Variants in MGAT4A observed in about 807,000 individuals in gnomAD.
MGAT4A encodes the protein N-acetylglucosaminyltransferase IVa.
A neutral mutation model predicts 74.1 loss-of-function variants in MGAT4A; 33 were observed. That is an observed-to-expected ratio of 0.45 (90% CI 0.34 to 0.60). The LOEUF is 0.60. Ranked by LOEUF, MGAT4A falls within the 20% of genes least tolerant of loss-of-function variation. The pLI is 0.02. For missense variants in MGAT4A, 479 were observed against 628.3 expected (o/e 0.76, Z 2.54); for synonymous variants, 198 against 210.4 (o/e 0.94, Z 0.51).
chr2:98,639,757 C>A (rs575870966), intron 12 of MGAT4A, 51 bp downstream of exon 12: 1 of 1,485,576 alleles, frequency 6.7e-7, no homozygotes, highest in African/African-American at 1.4e-5. Context: ...AATCACATTA[C>A]GAATAAGAGA....
Position 98,726,379 on chromosome 2 carries a change from C to G in MGAT4A, c.-47G>C. On this transcript the variant is annotated 5_prime_UTR_variant, in exon 2 of 16. Coordinates refer to ENST00000393487, the MANE Select transcript of MGAT4A (RefSeq NM_012214.3). ...TCCATATGTTTATGATGACAACAAC[C>G]AGGACTGTTTTCTTTTTACCCTGAA... 6.5e-7 allele frequency: 1 copy of G among 1,533,134 alleles called. No individual in the cohort carries two copies. The highest frequency in any genetic ancestry group is 9.0e-7 in the Non-Finnish European group (1 of 1,112,422). 95.0% of individuals were successfully genotyped at this position (1,533,134 alleles called of 1,614,324 possible). A position where few individuals can be genotyped will look rare whatever the true frequency, so the allele number is the denominator to read the frequency against.
In MGAT4A at chr2:98,670,278, G is replaced by A. The variant is rs562411134; in HGVS notation, c.403+4757C>T. On this transcript the variant is annotated intron_variant, in intron 4 of 15. Coordinates refer to ENST00000393487, the MANE Select transcript of MGAT4A (RefSeq NM_012214.3). ...ATCACTAATTTTGTTTTAATTCTGA[G>A]TGCAAGAGTTCCACTGATTAGCCAC... is the stretch of plus-strand genomic sequence containing the variant. Among the ~76,000 whole-genome samples, 11 of 152,230 alleles carry A rather than the reference G, an allele frequency of 7.2e-5. No individual in the cohort carries two copies. In the East Asian group the frequency reaches 1.7e-3, roughly 24 times the overall value.
chr2:98,678,015 G>C (rs1397686580), intron 3 of MGAT4A, among the ~76,000 whole-genome samples: 1 of 150,698 alleles, frequency 6.6e-6, no homozygotes, highest in Admixed American at 6.6e-5. Context: ...GGATCACGAG[G>C]TCAGGAGATC....
In MGAT4A at chr2:98,624,944, T is replaced by G. The variant is rs1701122635; in HGVS notation, c.*622A>C. ...GTACTTCAATTAAGAAATCCATCTATAATCAATCTTAAATGGCAGTGCATT... is the reference window on the plus strand; with the variant it reads ...GTACTTCAATTAAGAAATCCATCTAGAATCAATCTTAAATGGCAGTGCATT... On this transcript the variant is annotated 3_prime_UTR_variant, in exon 16 of 16. Transcript: ENST00000393487. 2 of 985,224 alleles carry G rather than the reference T, an allele frequency of 2.0e-6. No homozygotes were observed. The highest frequency in any genetic ancestry group is 6.1e-5 in the Admixed American group (1 of 16,284). The allele number at this position is 985,224 out of a possible 1,614,324, so 61.0% of individuals were successfully genotyped here.
In MGAT4A at chr2:98,656,435, C is replaced by T; in HGVS notation, c.615G>A (p.Val205=). Residue 205 remains valine (V), a synonymous_variant, in exon 7 of 16, where the codon GTG becomes GTA. Transcript: ENST00000393487. ...EFSKEISSGL[V]EVISPPESYY... ...AGCTTTCAGGGGGTGATATGACTTC[C>T]ACCAAGCCAGAACTGATTTCTTTAG... The T allele has an allele frequency of 6.2e-7, 1 of 1,611,690 alleles. No individual in the cohort carries two copies. The highest frequency in any genetic ancestry group is 1.7e-4 in the Middle Eastern group (1 of 6,048).
chr2:98,689,205 T>C (rs1245211565), intron 2 of MGAT4A, among the ~76,000 whole-genome samples: 2 of 152,094 alleles, frequency 1.3e-5, no homozygotes, highest in African/African-American at 4.8e-5. Flanking sequence ...TAGTCTTCTG[T>C]AACCTTTGCT....
intron 2 of MGAT4A, among the ~76,000 whole-genome samples, chr2:98,696,296 G>C (rs1052838529): frequency 6.6e-6 from 1 of 152,216 alleles, no homozygotes; most frequent in Non-Finnish European, 1.5e-5. Flanking sequence ...GTATTAGACT[G>C]AATGGAAAAG....
intron 4 of MGAT4A, among the ~76,000 whole-genome samples, chr2:98,669,377 G>GT (rs1701880448): frequency 6.6e-6 from 1 of 152,124 alleles, no homozygotes; most frequent in Non-Finnish European, 1.5e-5. Flanking sequence ...TGCCATCCAC[G>GT]TAAGATGTGA....
At chr2:98,730,509 A>AGCCCCT (rs1194204777) in intron 1 of MGAT4A, among the ~76,000 whole-genome samples, 4 of 152,172 alleles carry the variant, frequency 2.6e-5, no homozygotes, top group Non-Finnish European at 5.9e-5. Context: ...CCTCGGGAGC[A>AGCCCCT]GCCCCTGCCC....
chr2:98,671,943 CAAAAAAAAAAAA>C (rs59955000), intron 4 of MGAT4A, among the ~76,000 whole-genome samples: 22 of 28,640 alleles, frequency 7.7e-4, no homozygotes, highest in Middle Eastern at 0.042. Context: ...GTGGAAAAGG[CAAAAAAAAAAAA>C]AAAAAAAAAA....
chr2:98,658,350 TAAAAA>T, intron 5 of MGAT4A, 86 bp from the exon 6 acceptor site: 6 of 738,004 alleles, frequency 8.1e-6, no homozygotes, highest in African/African-American at 1.9e-5. Flanking sequence ...AAATGAATGA[TAAAAA>T]CATTCATTAA....
chr2:98,689,567 T>C (rs1298182985), intron 2 of MGAT4A, among the ~76,000 whole-genome samples: 1 of 152,248 alleles, frequency 6.6e-6, no homozygotes, highest in East Asian at 1.9e-4. Flanking sequence ...CTCACATCCA[T>C]AATCCCAACA....
At position 98,663,171 on chromosome 2, in the gene MGAT4A, C is replaced by T. The variant is rs773118466; in HGVS notation, c.412G>A (p.Val138Ile). ...CTCTTCACTGTGGGAATGCCCATGA[C>T]TATTGAAACTGGAAAAAAAAATAGT... ...IGNGRTGVSI[V>I]MGIPTVKREV... is the part of the protein sequence containing the mutation. The change falls in exon 5 of 16, where the codon GTC becomes ATC. Residue 138 changes from valine to isoleucine, a missense_variant. Around this residue, in one of 3 missense-constraint regions of MGAT4A, gnomAD observed 205 missense variants for 232.7 expected, o/e 0.88. Transcript: ENST00000393487. The T allele has an allele frequency of 6.3e-7, 1 of 1,575,756 alleles. No individual in the cohort carries two copies. The highest frequency in any genetic ancestry group is 2.2e-5 in the East Asian group (1 of 44,530).
chr2:98,655,369 C>A, intron 8 of MGAT4A, 76 bp downstream of exon 8: 1 of 1,139,972 alleles, frequency 8.8e-7, no homozygotes. Context: ...TCAAAACTTC[C>A]TGTTTTAATG....
intron 2 of MGAT4A, among the ~76,000 whole-genome samples, chr2:98,705,964 A>G (rs1330230946): frequency 6.6e-6 from 1 of 151,434 alleles, no homozygotes; most frequent in Non-Finnish European, 1.5e-5. Context: ...AAAAAAAAAA[A>G]AAAAAAAGAA....
chr2:98,671,943 C>CAAAAAAAAAAAAAAAAAAAAAA lies in MGAT4A; in HGVS notation c.403+3070_403+3091dup, dbSNP rs59955000. On this transcript the variant is annotated intron_variant, in intron 4 of 15. Coordinates refer to ENST00000393487, the MANE Select transcript of MGAT4A (RefSeq NM_012214.3). ...AGGCCACAAAGTAATGTGGAAAAGG[C>CAAAAAAAAAAAAAAAAAAAAAA]AAAAAAAAAAAAAAAAAAAAAAAAA... Among the ~76,000 whole-genome samples the CAAAAAAAAAAAAAAAAAAAAAA allele has an allele frequency of 7.0e-5, 2 of 28,616 alleles. 1 individual carries two copies. Among genetic ancestry groups the CAAAAAAAAAAAAAAAAAAAAAA allele is most frequent in the Non-Finnish European group, 1.3e-4 (2 of 15,532 alleles). The allele number at this position is 28,616 out of a possible 152,430, so 18.8% of individuals were successfully genotyped here.
chr2:98,650,679 G>A (rs376770039), intron 8 of MGAT4A, among the ~76,000 whole-genome samples: 46 of 152,242 alleles, frequency 3.0e-4, no homozygotes, highest in African/African-American at 9.4e-4. Context: ...GGCCAGGCGC[G>A]GTGGCTCACA....
At position 98,625,736 on chromosome 2, in the gene MGAT4A, G is replaced by T. The variant is rs746873181; in HGVS notation, c.1568C>A (p.Ala523Asp). Residue 523 changes from alanine (A) to aspartate (D), a missense_variant, in exon 15 of 16, where the codon GCC (alanine) becomes GAC (aspartate). By Grantham distance (126) the Ala-to-Asp change is moderately radical (BLOSUM62 -2). This residue lies in a region of MGAT4A where 236 missense variants were observed against 308.2 expected (regional missense o/e 0.77). Transcript: ENST00000393487. Reference sequence around the variant, plus strand: ...ATATATGCTTACCTCATTAAGAATGGCCCAAACAGCAGAATTCTGAATAAC... The same window carrying T: ...ATATATGCTTACCTCATTAAGAATGTCCCAAACAGCAGAATTCTGAATAAC... The part of the protein sequence containing the change: ...LSVIQNSAVW[A>D]ILNEIHIKKA... 1 of 1,609,632 alleles carries T rather than the reference G, an allele frequency of 6.2e-7. No homozygotes were observed. Among genetic ancestry groups the T allele is most frequent in the South Asian group, 1.1e-5 (1 of 90,728 alleles).
chr2:98,655,235 G>A (rs141758397), intron 8 of MGAT4A, among the ~76,000 whole-genome samples: 35 of 152,176 alleles, frequency 2.3e-4, no homozygotes, highest in African/African-American at 7.0e-4. Flanking sequence ...CAGGTCCCCC[G>A]CTAAGTGGAG....
Sources: gnomAD v4.1 joint callset for allele counts (sites outside exome capture counted in the v4.1 genomes callset) on GRCh38, gnomAD v4.1.1 for gene constraint, gnomAD v4.1.1 regional missense constraint, MANE v1.5 for transcripts, NCBI Gene and HGNC (gene_info 2026-07-23, HGNC 2026-07-21) for gene names.